The following PLLP variants were observed in gnomAD, a reference collection of about 807,000 sequenced individuals.
PLLP encodes plasma membrane proteolipid (plasmolipin).
PLLP carries 15 observed loss-of-function variants against 19.7 expected under a neutral mutation model. The ratio of observed to expected loss-of-function variants is 0.76; its 90% CI spans 0.51 to 1.17. The LOEUF (loss-of-function observed/expected upper bound fraction) is 1.17. PLLP is among the 50% of genes most tolerant of loss of function. PLLP has a pLI of 0.00. For missense variants in PLLP, 255 were observed against 258.3 expected (o/e 0.99, Z 0.09); for synonymous variants, 111 against 116.3 (o/e 0.95, Z 0.29).
At chr16:57,281,022 T>C (rs7189707) in intron 1 of PLLP, among the ~76,000 whole-genome samples, 77,601 of 151,946 alleles carry the variant, frequency 0.51, 20,310 homozygotes, top group South Asian at 0.7. Flanking sequence ...TAGCTTCCAT[T>C]TTCTCATTTA....
In PLLP at chr16:57,274,697, C is replaced by G. The variant is rs1437920816; in HGVS notation, c.135+9709G>C. Among the ~76,000 whole-genome samples the G allele has an allele frequency of 2.0e-5, 3 of 152,088 alleles. 1 individual carries two copies. Among genetic ancestry groups the G allele is most frequent in the South Asian group, 4.2e-4 (2 of 4,810 alleles). On this transcript the variant is annotated intron_variant, in intron 1 of 3. Coordinates refer to ENST00000219207, the MANE Select transcript of PLLP (RefSeq NM_015993.3). ...CGAGCTCCTGACCTCAGGCGATCTG[C>G]CTGCCTCGGCCTCCCAAAATGCTGG...
chr16:57,282,951 C>T (rs1360808882), intron 1 of PLLP, among the ~76,000 whole-genome samples: 1 of 152,152 alleles, frequency 6.6e-6, no homozygotes, highest in East Asian at 1.9e-4. Flanking sequence ...GGCAGCCAGG[C>T]AGCTGCTCAT....
chr16:57,270,923 TAAAC>T (rs1461773881), intron 1 of PLLP, among the ~76,000 whole-genome samples: 1 of 151,976 alleles, frequency 6.6e-6, no homozygotes, highest in African/African-American at 2.4e-5. Context: ...ATTCAGTCAT[TAAAC>T]AAACTGTGCC....
chr16:57,279,545 G>GT (rs1901193173), intron 1 of PLLP, among the ~76,000 whole-genome samples: 1 of 152,040 alleles, frequency 6.6e-6, no homozygotes, highest in African/African-American at 2.4e-5. Flanking sequence ...ATTGTGGCAT[G>GT]TACCTGTCGT....
Position 57,284,496 on chromosome 16 carries a change from A to C in PLLP, c.45T>G (p.Pro15=), listed in dbSNP as rs1901258998. The C allele has an allele frequency of 1.4e-6, 2 of 1,428,138 alleles. No individual in the cohort carries two copies. The highest frequency in any genetic ancestry group is 5.1e-5 in the Admixed American group (2 of 39,436). 88.5% of individuals were successfully genotyped at this position (1,428,138 alleles called of 1,614,324 possible). ...ACACCGAGGCTTCGGCGCCCTGCGC[A>C]GGACTGCTGGTCCGCGTGCTAACTT... ...PSKVSTRTSS[P]AQGAEASVSA... The change falls in exon 1 of 4, where the codon CCT becomes CCG. Residue 15 remains proline, a synonymous_variant. Coordinates refer to ENST00000219207, the MANE Select transcript of PLLP (RefSeq NM_015993.3).
intron 1 of PLLP, among the ~76,000 whole-genome samples, 158 bp downstream of exon 1, chr16:57,284,248 G>T (rs1207239170): frequency 2.0e-5 from 3 of 152,162 alleles, no homozygotes; most frequent in Non-Finnish European, 4.4e-5. Context: ...GTCCGTGCGG[G>T]AAGCGCCCTA....
rs754077376 is a variant in PLLP, at chr16:57,284,486, C to A, written c.55G>T (p.Ala19Ser). The A allele has an allele frequency of 6.9e-7, 1 of 1,439,516 alleles. No homozygotes were observed. The highest frequency in any genetic ancestry group is 9.2e-7 in the Non-Finnish European group (1 of 1,091,084). 89.2% of individuals were successfully genotyped at this position (1,439,516 alleles called of 1,614,324 possible). ...STRTSSPAQG[A>S]EASVSALRPD... Reference sequence around the variant, plus strand: ...CGCAGCGCCGACACCGAGGCTTCGGCGCCCTGCGCAGGACTGCTGGTCCGC... The same window carrying A: ...CGCAGCGCCGACACCGAGGCTTCGGAGCCCTGCGCAGGACTGCTGGTCCGC... Residue 19 changes from alanine (A) to serine (S), a missense_variant, in exon 1 of 4, where the codon GCC (alanine) becomes TCC (serine). Ala to Ser is a moderately conservative substitution (Grantham distance 99, BLOSUM62 1). Transcript: ENST00000219207.
At chr16:57,282,198 C>G (rs779407171) in intron 1 of PLLP, among the ~76,000 whole-genome samples, 6 of 151,388 alleles carry the variant, frequency 4.0e-5, no homozygotes, top group Non-Finnish European at 8.8e-5. Context: ...CCCTATTGCC[C>G]CTATTGCTAG....
At chr16:57,282,240 T>TG (rs1491500882) in intron 1 of PLLP, among the ~76,000 whole-genome samples, 4 of 149,142 alleles carry the variant, frequency 2.7e-5, no homozygotes, top group African/African-American at 4.9e-5. Flanking sequence ...TTTTTTTTTT[T>TG]TGTGTGTGTG....
chr16:57,268,039 G>A (rs1294819753), intron 1 of PLLP, among the ~76,000 whole-genome samples: 3 of 152,076 alleles, frequency 2.0e-5, no homozygotes, highest in African/African-American at 7.2e-5. Context: ...GGAGACCATC[G>A]TGTGAAGACA....
chr16:57,284,448 GC>G lies in PLLP; in HGVS notation c.92del (p.Gly31AlafsTer24). The G allele has an allele frequency of 7.1e-7, 1 of 1,404,780 alleles. No homozygotes were observed. The highest frequency in any genetic ancestry group is 3.0e-5 in the East Asian group (1 of 33,104). The allele number at this position is 1,404,780 out of a possible 1,614,324, so 87.0% of individuals were successfully genotyped here. A position where few individuals can be genotyped will look rare whatever the true frequency, so the allele number is the denominator to read the frequency against. On this transcript the variant is annotated frameshift_variant, in exon 1 of 4. Transcript: ENST00000219207. LOFTEE classifies it high-confidence loss of function. ...ASVSALRPDLGFVRSRLGALM... is the reference protein window; with the variant it reads ...ASVSALRPDLXFVRSRLGALM... ...GCGCCCCGAGGCGGGAGCGCACGAA[GC>G]CCAGGTCCGGGCGCAGCGCCGACAC...
At chr16:57,284,222 G>C (rs1200487206) in intron 1 of PLLP, among the ~76,000 whole-genome samples, 184 bp downstream of exon 1, 1 of 152,162 alleles carries the variant, frequency 6.6e-6, no homozygotes, top group Non-Finnish European at 1.5e-5. Flanking sequence ...GAGGGATGCA[G>C]GGCGATCTTG....
chr16:57,278,491 TTAGTG>T (rs1901180508), intron 1 of PLLP, among the ~76,000 whole-genome samples: 1 of 152,178 alleles, frequency 6.6e-6, no homozygotes, highest in Non-Finnish European at 1.5e-5. Context: ...AACTACAGCT[TTAGTG>T]TAATCTGTAC....
chr16:57,256,551 C>A lies in PLLP; in HGVS notation c.*362G>T. The A allele has an allele frequency of 4.4e-6, 1 of 228,714 alleles. No homozygotes were observed. Among genetic ancestry groups the A allele is most frequent in the East Asian group, 9.3e-5 (1 of 10,698 alleles). The allele number at this position is 228,714 out of a possible 1,614,324, so 14.2% of individuals were successfully genotyped here. A position where few individuals can be genotyped will look rare whatever the true frequency, so the allele number is the denominator to read the frequency against. On this transcript the variant is annotated 3_prime_UTR_variant, in exon 4 of 4. Coordinates refer to ENST00000219207, the MANE Select transcript of PLLP (RefSeq NM_015993.3). ...TTATACTACGGCGGGTCTGGGGCTG[C>A]AGGTCTGGAGTCCTTGTTAGTGCAT...
intron 1 of PLLP, among the ~76,000 whole-genome samples, chr16:57,280,994 A>G (rs1207229863): frequency 6.6e-6 from 1 of 152,158 alleles, no homozygotes; most frequent in Non-Finnish European, 1.5e-5. Context: ...TGGGAAACAG[A>G]AGGGTTTGAT....
intron 1 of PLLP, among the ~76,000 whole-genome samples, chr16:57,267,433 G>C (rs1158497433): frequency 2.0e-5 from 3 of 152,082 alleles, no homozygotes; most frequent in Admixed American, 1.3e-4. Context: ...CGGGCATGGT[G>C]GTGGGTGTCT....
intron 1 of PLLP, among the ~76,000 whole-genome samples, chr16:57,278,790 C>G (rs1259538073): frequency 6.6e-6 from 1 of 152,208 alleles, no homozygotes. Context: ...TGACCAAGCC[C>G]TGCTCACACC....
Position 57,261,393 on chromosome 16 carries a change from GCCTGTGTCCTT to G in PLLP, c.309+493_309+503del, listed in dbSNP as rs1304808085. The stretch of plus-strand genomic sequence containing the variant: ...TACTCCCCTCCTGGGACAAAGTCAA[GCCTGTGTCCTT>G]CCTGGCTCATGGTTCCCCAAAAAAC... On this transcript the variant is annotated intron_variant, in intron 2 of 3. Coordinates refer to ENST00000219207, the MANE Select transcript of PLLP (RefSeq NM_015993.3). Among the ~76,000 whole-genome samples the G allele has an allele frequency of 7.2e-5, 11 of 152,202 alleles. No individual in the cohort carries two copies. In the East Asian group the frequency reaches 2.1e-3, roughly 29 times the overall value.
At chr16:57,266,272 G>A (rs1337619138) in intron 1 of PLLP, among the ~76,000 whole-genome samples, 2 of 152,112 alleles carry the variant, frequency 1.3e-5, no homozygotes, top group African/African-American at 4.8e-5. Flanking sequence ...TCCAGATGAA[G>A]CCGGTGGATA....
Sources: allele counts gnomAD v4.1 joint callset (sites outside exome capture counted in the v4.1 genomes callset), GRCh38; gene constraint gnomAD v4.1.1; transcripts MANE v1.5; gene names NCBI Gene and HGNC (gene_info 2026-07-23, HGNC 2026-07-21).